ZNF25: variants seen among roughly 807,000 people sequenced by gnomAD.
ZNF25 encodes zinc finger protein 25 (KOX 19).
Under a neutral mutation model 30.9 loss-of-function variants are expected in ZNF25, and 21 were observed. The observed-to-expected ratio is 0.68, with a 90% CI of 0.48 to 0.98. ZNF25 has a LOEUF of 0.98. ZNF25 is among the 50% of genes least tolerant of loss of function. ZNF25 has a pLI of 0.00. For missense variants in ZNF25, 501 were observed against 529.9 expected, an observed-to-expected ratio of 0.95 and a Z score of 0.54; for synonymous variants, 169 against 181.3, an observed-to-expected ratio of 0.93 and a Z score of 0.55.
intron 2 of ZNF25, among the ~76,000 whole-genome samples, chr10:37,959,183 A>G (rs1312242105): frequency 1.3e-5 from 2 of 151,990 alleles, no homozygotes; most frequent in African/African-American, 2.4e-5. Flanking sequence ...GTAGATGAAA[A>G]TATAGAAACC....
At chr10:37,956,158 G>A (rs959171841) in intron 4 of ZNF25, among the ~76,000 whole-genome samples, 4 of 152,176 alleles carry the variant, frequency 2.6e-5, no homozygotes, top group African/African-American at 7.2e-5. Context: ...AGTTTAGGGA[G>A]GATAAGCAGT....
chr10:37,971,613 G>A (rs1017266349), intron 2 of ZNF25, 95 bp downstream of exon 2: 30 of 1,559,952 alleles, frequency 1.9e-5, no homozygotes, highest in Admixed American at 5.3e-5. Context: ...ATGGGCTCTC[G>A]TTCATAAAAC....
chr10:37,973,672 G>A (rs1324672859), intron 1 of ZNF25, among the ~76,000 whole-genome samples: 1 of 151,680 alleles, frequency 6.6e-6, no homozygotes, highest in Non-Finnish European at 1.5e-5. Context: ...TCATGGACTG[G>A]CAGAATTAAT....
Position 37,951,618 on chromosome 10 carries a change from A to G in ZNF25, c.*509T>C, listed in dbSNP as rs1394381032. 6.6e-6 allele frequency: 1 copy of G among 152,558 alleles called. No homozygotes were observed. Among genetic ancestry groups the G allele is most frequent in the East Asian group, 1.9e-4 (1 of 5,216 alleles). The allele number at this position is 152,558 out of a possible 1,614,324, so 9.5% of individuals were successfully genotyped here. ...TCCAAGTACCAGTGATCTGAAATTG[A>G]ATGAAACATCAATTCTTAATAAAGG... On this transcript the variant is annotated 3_prime_UTR_variant, in exon 6 of 6. Transcript: ENST00000302609.
chr10:37,962,241 C>CAA (rs34341090), intron 2 of ZNF25, among the ~76,000 whole-genome samples: 22 of 86,452 alleles, frequency 2.5e-4, no homozygotes, highest in East Asian at 3.7e-4. Context: ...ACTTCCATCT[C>CAA]AAAAAAAAAA....
intron 2 of ZNF25, among the ~76,000 whole-genome samples, chr10:37,960,187 G>C (rs1219168780): frequency 2.6e-5 from 4 of 152,112 alleles, no homozygotes; most frequent in African/African-American, 9.7e-5. Flanking sequence ...GTTGAATTTT[G>C]TTCATTCTGG....
rs143656963 is a variant in ZNF25 at position 37,971,838 on chromosome 10, A to G, written c.-85-31T>C. On this transcript the variant is annotated intron_variant, in intron 1 of 5. Coordinates refer to ENST00000302609, the MANE Select transcript of ZNF25 (RefSeq NM_145011.4). Reference sequence around the variant, plus strand: ...AGAAATTTCCATACAACATTTTAGTAAAATATATACCTTTGAGAAAATGTC... The same window carrying G: ...AGAAATTTCCATACAACATTTTAGTGAAATATATACCTTTGAGAAAATGTC... 6.6e-4 allele frequency: 934 copies of G among 1,411,854 alleles called. 5 individuals are homozygous for G. In the East Asian group the frequency reaches 0.017, roughly 26 times the overall value. 87.5% of individuals were successfully genotyped at this position (1,411,854 alleles called of 1,614,324 possible).
At chr10:37,970,364 A>G (rs915267384) in intron 2 of ZNF25, among the ~76,000 whole-genome samples, 2 of 152,194 alleles carry the variant, frequency 1.3e-5, no homozygotes, top group African/African-American at 4.8e-5. Flanking sequence ...CAAACTAAAA[A>G]AGAAAAACAA....
chr10:37,974,562 T>C (rs962100616), intron 1 of ZNF25, among the ~76,000 whole-genome samples: 11 of 152,072 alleles, frequency 7.2e-5, no homozygotes, highest in African/African-American at 2.7e-4. Context: ...AAAACCATAA[T>C]GGGATATCAT....
intron 2 of ZNF25, among the ~76,000 whole-genome samples, chr10:37,968,258 G>A (rs557255372): frequency 5.2e-4 from 79 of 151,828 alleles, no homozygotes; most frequent in Admixed American, 1.3e-3. Context: ...GAGTTTCACC[G>A]TATTGGCCAG....
chr10:37,961,308 A>G (rs2062856426), intron 2 of ZNF25, among the ~76,000 whole-genome samples: 1 of 152,196 alleles, frequency 6.6e-6, no homozygotes, highest in African/African-American at 2.4e-5. Context: ...AAAACATACA[A>G]GTACTAGTTT....
intron 2 of ZNF25, 60 bp downstream of exon 2, chr10:37,971,648 C>T: frequency 3.7e-6 from 6 of 1,605,114 alleles, no homozygotes; most frequent in Non-Finnish European, 5.1e-6. Flanking sequence ...CACACACACA[C>T]ACACACACAC....
chr10:37,952,020 A>G lies in ZNF25; in HGVS notation c.*107T>C. ...GATACACAGAGAGAGCAAAGATTGT[A>G]GCTGAAAATTTCCCTCTATTGATGC... On this transcript the variant is annotated 3_prime_UTR_variant, in exon 6 of 6. Coordinates refer to ENST00000302609, the MANE Select transcript of ZNF25 (RefSeq NM_145011.4). The G allele has an allele frequency of 1.0e-6, 1 of 993,390 alleles. No homozygotes were observed. The highest frequency in any genetic ancestry group is 1.5e-6 in the Non-Finnish European group (1 of 684,456). 61.5% of individuals were successfully genotyped at this position (993,390 alleles called of 1,614,324 possible).
intron 2 of ZNF25, among the ~76,000 whole-genome samples, chr10:37,964,144 G>A (rs1158272897): frequency 6.6e-6 from 1 of 152,086 alleles, no homozygotes; most frequent in Non-Finnish European, 1.5e-5. Context: ...CATGCTTCCT[G>A]TACAGCCTGC....
chr10:37,964,382 T>G (rs2063067454), intron 2 of ZNF25, among the ~76,000 whole-genome samples: 1 of 152,162 alleles, frequency 6.6e-6, no homozygotes, highest in Non-Finnish European at 1.5e-5. Flanking sequence ...TGTTTGAAAC[T>G]TCTAAGAGAC....
intron 1 of ZNF25, among the ~76,000 whole-genome samples, chr10:37,974,333 A>T (rs1478575278): frequency 2.0e-5 from 3 of 152,208 alleles, no homozygotes; most frequent in Non-Finnish European, 4.4e-5. Flanking sequence ...CAGTGAAAAG[A>T]CACCCAAAGA....
At position 37,952,139 on chromosome 10, in the gene ZNF25, A is replaced by C. The variant is rs1208606; in HGVS notation, c.1359T>G (p.Asn453Lys). 116,773 of 1,562,488 alleles carry C rather than the reference A, an allele frequency of 0.075. 4,950 individuals carry two copies. Among genetic ancestry groups the C allele is most frequent in the Non-Finnish European group, 0.087 (100,320 of 1,157,044 alleles). Residue 453 changes from asparagine (N) to lysine (K), a missense_variant, in exon 6 of 6, where the codon AAT becomes AAG. Transcript: ENST00000302609. ...AHQKTHTKKR[N>K]AEK Reference sequence around the variant, plus strand: ...TTCCCAACTCATCTTACTTCTCAGCATTCCTCTTCTTTGTGTGTGTCTTCT... The same window carrying C: ...TTCCCAACTCATCTTACTTCTCAGCCTTCCTCTTCTTTGTGTGTGTCTTCT...
intron 2 of ZNF25, among the ~76,000 whole-genome samples, chr10:37,968,928 C>T (rs2063336145): frequency 6.6e-6 from 1 of 151,982 alleles, no homozygotes; most frequent in Admixed American, 6.6e-5. Flanking sequence ...ATGCAGGGGT[C>T]CTGGAACCAA....
At chr10:37,968,018 A>T (rs1216682241) in intron 2 of ZNF25, 1 of 152,194 alleles carries the variant, frequency 6.6e-6, no homozygotes, top group Non-Finnish European at 1.5e-5. Context: ...GCATTATAGA[A>T]CATTGTCACA....
Sources: gnomAD v4.1 joint callset for allele counts (sites outside exome capture counted in the v4.1 genomes callset) on GRCh38, gnomAD v4.1.1 for gene constraint, MANE v1.5 for transcripts, NCBI Gene and HGNC (gene_info 2026-07-23, HGNC 2026-07-21) for gene names.